Variants in RSF1 observed in about 807,000 individuals in gnomAD.
RSF1 encodes HBV pX-associated protein 8.
In RSF1, 13 loss-of-function variants were observed where a neutral mutation model predicts 145.2. The observed-to-expected ratio is 0.09, with a 90% CI of 0.06 to 0.14. The LOEUF (loss-of-function observed/expected upper bound fraction) is 0.14. Ranked by LOEUF, RSF1 falls within the 10% of genes least tolerant of loss-of-function variation. The probability of loss-of-function intolerance (pLI) is 1.00; values close to 1 mark genes in which losing one functional copy is unlikely to be tolerated. For synonymous variants in RSF1, 577 were observed against 592.6 expected, an observed-to-expected ratio of 0.97 and a Z score of 0.38; for missense variants, 1,517 against 1,718.2, an observed-to-expected ratio of 0.88 and a Z score of 2.07.
intron 1 of RSF1, among the ~76,000 whole-genome samples, chr11:77,776,360 T>C (rs920949425): frequency 1.2e-4 from 19 of 152,230 alleles, no homozygotes; most frequent in South Asian, 2.1e-4. Context: ...AAACTTATAC[T>C]GTAAGAACTC....
At chr11:77,724,603 C>G (rs916790380) in intron 5 of RSF1, among the ~76,000 whole-genome samples, 3 of 152,146 alleles carry the variant, frequency 2.0e-5, no homozygotes, top group Non-Finnish European at 4.4e-5. Context: ...AACCTTTTGG[C>G]ACCAGGAAAC....
chr11:77,670,119 A>G (rs887325759), intron 15 of RSF1, among the ~76,000 whole-genome samples: 4 of 152,120 alleles, frequency 2.6e-5, no homozygotes, highest in African/African-American at 9.7e-5. Flanking sequence ...CCCTGTCTCA[A>G]AAACAAAAAC....
At chr11:77,677,164 C>CA in intron 12 of RSF1, 165 bp from the exon 13 acceptor site, 1 of 617,754 alleles carries the variant, frequency 1.6e-6, no homozygotes, top group Non-Finnish European at 2.8e-6. Flanking sequence ...ACAGAGGTCT[C>CA]AGAGTTTTAG....
chr11:77,865,292 CAT>C, the RSF1 span, among the ~76,000 whole-genome samples: 1 of 152,212 alleles, frequency 6.6e-6, no homozygotes, highest in Non-Finnish European at 1.5e-5. Flanking sequence ...GTCTTTCTCT[CAT>C]AAATTATTGT....
chr11:77,660,085 T>G lies in RSF1; in HGVS notation c.*6832A>C, dbSNP rs953411775. 12 of 152,188 alleles carry G rather than the reference T, an allele frequency of 7.9e-5. No homozygotes were observed. The highest frequency in any genetic ancestry group is 2.7e-4 in the African/African-American group (11 of 41,456). 9.4% of individuals were successfully genotyped at this position (152,188 alleles called of 1,614,324 possible). A position where few individuals can be genotyped will look rare whatever the true frequency, so the allele number is the denominator to read the frequency against. ...ACAGAAGTATTATAATAAAACATTT[T>G]GAAAGAAAAAGTTACACAATTAGGC... is the stretch of plus-strand genomic sequence containing the variant. On this transcript the variant is annotated 3_prime_UTR_variant, in exon 16 of 16. Transcript: ENST00000308488.
At chr11:77,668,914 C>T (rs539361679) in intron 15 of RSF1, among the ~76,000 whole-genome samples, 7 of 770 alleles carry the variant, frequency 9.1e-3, no homozygotes, top group South Asian at 0.1. Flanking sequence ...TATGTGCTAA[C>T]GGCTCTCATT....
chr11:77,871,194 A>AG, the RSF1 span, among the ~76,000 whole-genome samples: 1 of 152,346 alleles, frequency 6.6e-6, no homozygotes, highest in East Asian at 1.9e-4. Context: ...TCAAATATAT[A>AG]GAAAATATAG....
At chr11:77,680,891 C>G (rs938002645) in intron 11 of RSF1, among the ~76,000 whole-genome samples, 11 of 152,174 alleles carry the variant, frequency 7.2e-5, no homozygotes, top group African/African-American at 2.7e-4. Context: ...GCAAAATTAA[C>G]TGAAAACAGC....
chr11:77,825,678 T>C (rs1007273049), upstream of RSF1, among the ~76,000 whole-genome samples: 4 of 151,996 alleles, frequency 2.6e-5, no homozygotes, highest in Middle Eastern at 3.4e-3. Flanking sequence ...TTTAGAAGTG[T>C]CTTACTACCC....
intron 1 of RSF1, among the ~76,000 whole-genome samples, chr11:77,809,181 T>C (rs947822470): frequency 1.3e-5 from 2 of 152,244 alleles, no homozygotes; most frequent in African/African-American, 4.8e-5. Context: ...ATAGTTTCCT[T>C]ATCTATAAAA....
chr11:77,820,782 A>C (rs1180828261), upstream of RSF1: 12 of 1,471,278 alleles, frequency 8.2e-6, no homozygotes, highest in Admixed American at 2.7e-4. Context: ...AGGGATGGCA[A>C]GGCAACCTTA....
At chr11:77,746,664 T>C (rs1229070320) in intron 3 of RSF1, among the ~76,000 whole-genome samples, 2 of 152,190 alleles carry the variant, frequency 1.3e-5, no homozygotes, top group Non-Finnish European at 2.9e-5. Flanking sequence ...GGGTTTTAAG[T>C]ACGAAATGAC....
chr11:77,789,322 C>T (rs1290885385), intron 1 of RSF1, among the ~76,000 whole-genome samples: 1 of 152,190 alleles, frequency 6.6e-6, no homozygotes, highest in Non-Finnish European at 1.5e-5. Context: ...GTCCTGGGTT[C>T]CACAGATTCC....
chr11:77,667,551 C>T lies in RSF1; in HGVS notation c.3752-60G>A, dbSNP rs944843575. The T allele has an allele frequency of 5.6e-6, 8 of 1,430,676 alleles. No homozygotes were observed. In the African/African-American group the frequency reaches 9.9e-5, roughly 18 times the overall value. 88.6% of individuals were successfully genotyped at this position (1,430,676 alleles called of 1,614,324 possible). Reference sequence around the variant, plus strand: ...GTTAACCATAAACGAATTTAATTCTCCTTTTCCTCCCGATATTCACCCCAC... The same window carrying T: ...GTTAACCATAAACGAATTTAATTCTTCTTTTCCTCCCGATATTCACCCCAC... On this transcript the variant is annotated intron_variant, in intron 15 of 15. Coordinates refer to ENST00000308488, the MANE Select transcript of RSF1 (RefSeq NM_016578.4).
At chr11:77,851,199 T>C in the RSF1 span, among the ~76,000 whole-genome samples, 1 of 152,042 alleles carries the variant, frequency 6.6e-6, no homozygotes, top group Non-Finnish European at 1.5e-5. Flanking sequence ...GTGATCCACC[T>C]GCCTCGGCCT....
the RSF1 span, among the ~76,000 whole-genome samples, chr11:77,846,482 G>A: frequency 4.6e-5 from 7 of 152,134 alleles, no homozygotes; most frequent in Admixed American, 1.3e-4. Context: ...TGAGGCAGGC[G>A]GATCACCTGA....
chr11:77,750,667 T>C (rs1948052515), intron 2 of RSF1, among the ~76,000 whole-genome samples: 1 of 152,158 alleles, frequency 6.6e-6, no homozygotes, highest in Admixed American at 6.6e-5. Context: ...ACATTGGTAA[T>C]TCATATTAAT....
At chr11:77,820,143 C>T (rs988362539) in intron 1 of RSF1, among the ~76,000 whole-genome samples, 3 of 152,204 alleles carry the variant, frequency 2.0e-5, no homozygotes, top group African/African-American at 7.2e-5. Flanking sequence ...GAGAAAAGCG[C>T]AAAGCTGGCC....
the RSF1 span, among the ~76,000 whole-genome samples, chr11:77,867,926 G>T: frequency 1.3e-5 from 2 of 152,086 alleles, no homozygotes; most frequent in African/African-American, 4.8e-5. Flanking sequence ...TATAGAGATT[G>T]TTATGAAATT....
Sources: gnomAD v4.1 joint callset for allele counts (sites outside exome capture counted in the v4.1 genomes callset) on GRCh38, gnomAD v4.1.1 for gene constraint, MANE v1.5 for transcripts, NCBI Gene and HGNC (gene_info 2026-07-23, HGNC 2026-07-21) for gene names.